Variants in RBFOX1 observed in about 807,000 individuals in gnomAD.
RBFOX1 encodes the protein RNA binding protein fox-1 homolog 1.
A neutral mutation model predicts 57.7 loss-of-function variants in RBFOX1; 8 were observed. The ratio of observed to expected loss-of-function variants is 0.14; its 90% CI spans 0.08 to 0.25. RBFOX1 has a LOEUF of 0.25. Ranked by LOEUF, RBFOX1 falls within the 10% of genes least tolerant of loss-of-function variation. RBFOX1 has a pLI of 1.00. For synonymous variants in RBFOX1, 326 were observed against 222.4 expected (o/e 1.47, Z -4.15); for missense variants, 611 against 548.5 (o/e 1.11, Z -1.14).
intron 3 of RBFOX1, among the ~76,000 whole-genome samples, chr16:5,837,860 C>A (rs544109843): frequency 1.3e-5 from 2 of 152,160 alleles, no homozygotes; most frequent in Admixed American, 1.3e-4. Flanking sequence ...GAAGTCTGTT[C>A]TCAATAAATC....
At chr16:7,580,913 C>T (rs2093709818) in intron 6 of RBFOX1, among the ~76,000 whole-genome samples, 1 of 152,206 alleles carries the variant, frequency 6.6e-6, no homozygotes, top group Non-Finnish European at 1.5e-5. Flanking sequence ...TTCTCAGAGA[C>T]TCTTCCTCTA....
intron 1 of RBFOX1, among the ~76,000 whole-genome samples, chr16:6,238,736 TCTGA>T (rs928991333): frequency 6.6e-4 from 101 of 152,310 alleles, no homozygotes; most frequent in African/African-American, 1.9e-3. Context: ...GTTACATTTT[TCTGA>T]CTGACTATTT....
intron 3 of RBFOX1, among the ~76,000 whole-genome samples, chr16:6,797,087 C>T (rs779737589): frequency 1.4e-4 from 21 of 152,110 alleles, no homozygotes; most frequent in Non-Finnish European, 2.6e-4. Context: ...AATAGAGTAA[C>T]ACATCGATCC....
At chr16:6,862,613 T>C (rs920363260) in intron 3 of RBFOX1, among the ~76,000 whole-genome samples, 1 of 152,140 alleles carries the variant, frequency 6.6e-6, no homozygotes, top group Non-Finnish European at 1.5e-5. Context: ...GGAAGTGACA[T>C]GAATGAAGTA....
chr16:6,822,110 G>A (rs1357258300), intron 3 of RBFOX1, among the ~76,000 whole-genome samples: 2 of 152,096 alleles, frequency 1.3e-5, no homozygotes, highest in Non-Finnish European at 1.5e-5. Context: ...AGCTACTGGG[G>A]GAGACAGACT....
intron 2 of RBFOX1, among the ~76,000 whole-genome samples, chr16:6,485,170 C>T (rs191212462): frequency 3.9e-4 from 59 of 152,306 alleles, no homozygotes; most frequent in Admixed American, 2.6e-4. Context: ...CTCAGGCTCA[C>T]AGGAATCCAG....
chr16:6,534,425 C>G (rs964680240), intron 2 of RBFOX1, among the ~76,000 whole-genome samples: 1 of 152,120 alleles, frequency 6.6e-6, no homozygotes, highest in African/African-American at 2.4e-5. Context: ...CTTTCACCCG[C>G]TAAGATGCCT....
intron 1 of RBFOX1, among the ~76,000 whole-genome samples, chr16:5,421,147 C>T (rs1296930427): frequency 1.3e-5 from 2 of 151,794 alleles, no homozygotes; most frequent in South Asian, 2.1e-4. Flanking sequence ...GCTGGGACAA[C>T]AGGCATGGGC....
chr16:6,874,150 A>G (rs2061417561), intron 3 of RBFOX1: 1 of 148,080 alleles, frequency 6.8e-6, no homozygotes, highest in African/African-American at 2.5e-5. Flanking sequence ...CCCATCAGTG[A>G]ATAAGTGGAT....
chr16:6,852,459 C>T (rs1431110741), intron 3 of RBFOX1, among the ~76,000 whole-genome samples: 1 of 152,154 alleles, frequency 6.6e-6, no homozygotes, highest in Non-Finnish European at 1.5e-5. Flanking sequence ...ATCTGAGTGG[C>T]TATTATCTGG....
chr16:6,840,033 G>C (rs1452835233), intron 3 of RBFOX1, among the ~76,000 whole-genome samples: 13 of 152,070 alleles, frequency 8.5e-5, no homozygotes, highest in African/African-American at 2.4e-4. Context: ...CCCTGGGAAG[G>C]ATAATAAAAC....
At chr16:5,862,623 A>G (rs568187942) in intron 3 of RBFOX1, among the ~76,000 whole-genome samples, 1 of 152,312 alleles carries the variant, frequency 6.6e-6, no homozygotes, top group South Asian at 2.1e-4. Flanking sequence ...GACCGGGTTC[A>G]GTTTACAGCT....
chr16:7,208,639 C>G (rs1189017367), intron 4 of RBFOX1, among the ~76,000 whole-genome samples: 1 of 152,094 alleles, frequency 6.6e-6, no homozygotes, highest in East Asian at 1.9e-4. Context: ...AGTTTCAGAG[C>G]AACCTGGGCA....
intron 2 of RBFOX1, among the ~76,000 whole-genome samples, chr16:6,409,081 TCTCCCTACATACTA>T (rs995286894): frequency 2.8e-4 from 43 of 152,200 alleles, no homozygotes; most frequent in African/African-American, 1.0e-3. Flanking sequence ...ATTCACAGTC[TCTCCCTACATACTA>T]CTTCAAATAC....
At chr16:7,288,994 T>A (rs1253097939) in intron 4 of RBFOX1, among the ~76,000 whole-genome samples, 1 of 151,900 alleles carries the variant, frequency 6.6e-6, no homozygotes, top group Non-Finnish European at 1.5e-5. Context: ...AGAATCTGAG[T>A]GATATTAGAG....
intron 2 of RBFOX1, among the ~76,000 whole-genome samples, chr16:6,650,651 A>G (rs1295556799): frequency 6.6e-6 from 1 of 152,216 alleles, no homozygotes; most frequent in Non-Finnish European, 1.5e-5. Flanking sequence ...ATAGGAAAAC[A>G]GTCTGTTCTA....
intron 4 of RBFOX1, among the ~76,000 whole-genome samples, chr16:7,264,499 G>C (rs1027003339): frequency 6.6e-6 from 1 of 152,174 alleles, no homozygotes; most frequent in African/African-American, 2.4e-5. Context: ...CAAAAGCTAA[G>C]TATGTTAGTC....
chr16:5,363,888 C>G (rs1379691941), intron 1 of RBFOX1, among the ~76,000 whole-genome samples: 1 of 152,172 alleles, frequency 6.6e-6, no homozygotes, highest in African/African-American at 2.4e-5. Flanking sequence ...GGCGTTTGCC[C>G]TGGTGGACGA....
chr16:7,382,040 T>C (rs2097789332), intron 4 of RBFOX1, among the ~76,000 whole-genome samples: 2 of 152,384 alleles, frequency 1.3e-5, no homozygotes, highest in Non-Finnish European at 1.5e-5. Flanking sequence ...GATCTTTTCT[T>C]GTAGCATTTA....
Sources: allele counts gnomAD v4.1 joint callset (sites outside exome capture counted in the v4.1 genomes callset), GRCh38; gene constraint gnomAD v4.1.1; transcripts MANE v1.5; gene names NCBI Gene and HGNC (gene_info 2026-07-23, HGNC 2026-07-21).